The following PRPF6 variants were observed in gnomAD, a reference collection of about 807,000 sequenced individuals.
The protein encoded by PRPF6 is pre-mRNA processing factor 6, also known as pre-mRNA-processing factor 6.
In PRPF6, 42 loss-of-function variants were observed where a neutral mutation model predicts 118.3. The ratio of observed to expected loss-of-function variants is 0.35; its 90% CI spans 0.28 to 0.46. The LOEUF is 0.46. Among genes scored for constraint, PRPF6 ranks in the 20% least tolerant of loss-of-function variants. The pLI is 1.00. For missense variants in PRPF6, 662 were observed against 1,255.7 expected (o/e 0.53, Z 7.15); for synonymous variants, 481 against 485.1 (o/e 0.99, Z 0.11).
At chr20:63,993,548 C>A (rs1245542424) in intron 4 of PRPF6, 63 bp downstream of exon 4, 1 of 1,324,430 alleles carries the variant, frequency 7.6e-7, no homozygotes, top group Non-Finnish European at 1.1e-6. Flanking sequence ...CCCGCAGAGA[C>A]TCAGACTGCT....
chr20:64,017,690 T>G (rs568635603), intron 12 of PRPF6, among the ~76,000 whole-genome samples: 1 of 152,402 alleles, frequency 6.6e-6, no homozygotes, highest in Non-Finnish European at 1.5e-5. Context: ...GCCGCAGATT[T>G]GCTTTCTTAC....
intron 9 of PRPF6, among the ~76,000 whole-genome samples, chr20:64,002,055 G>T (rs1323956522): frequency 9.4e-6 from 1 of 106,348 alleles, no homozygotes; most frequent in Non-Finnish European, 1.7e-5. Flanking sequence ...GTCTCGCCCT[G>T]TCGCCCAGGC....
intron 12 of PRPF6, among the ~76,000 whole-genome samples, chr20:64,018,417 CT>C (rs2059248745): frequency 6.6e-6 from 1 of 152,124 alleles, no homozygotes; most frequent in Non-Finnish European, 1.5e-5. Context: ...TGGGTTGAGG[CT>C]TCTTGGTGCA....
At chr20:64,014,292 A>G (rs151289866) in intron 11 of PRPF6, among the ~76,000 whole-genome samples, 59 of 152,172 alleles carry the variant, frequency 3.9e-4, no homozygotes, top group Non-Finnish European at 6.8e-4. Flanking sequence ...GACATTTTAT[A>G]TACAGATGTT....
intron 2 of PRPF6, 61 bp downstream of exon 2, chr20:63,983,276 C>A: frequency 6.2e-7 from 1 of 1,602,820 alleles, no homozygotes; most frequent in South Asian, 1.1e-5. Context: ...CTGACCTAAC[C>A]AGTGTGTGTT....
At chr20:63,997,959 C>T (rs925765619) in intron 6 of PRPF6, among the ~76,000 whole-genome samples, 9 of 152,188 alleles carry the variant, frequency 5.9e-5, no homozygotes, top group Non-Finnish European at 1.2e-4. Context: ...AGACCGCATT[C>T]GCTGACCTGT....
Position 64,027,806 on chromosome 20 carries a change from C to T in PRPF6, c.2339+70C>T, listed in dbSNP as rs1431169569. 2.0e-5 allele frequency: 32 copies of T among 1,601,214 alleles called. No homozygotes were observed. Among genetic ancestry groups the T allele is most frequent in the Non-Finnish European group, 2.5e-5 (29 of 1,170,686 alleles). ...CATCAGGTGGGCCGCCGTCACCCAGCTGCTTGTGTGGAGTCACTCGTGCAG... is the reference window on the plus strand; with the variant it reads ...CATCAGGTGGGCCGCCGTCACCCAGTTGCTTGTGTGGAGTCACTCGTGCAG... On this transcript the variant is annotated intron_variant, in intron 17 of 20. Coordinates refer to ENST00000266079, the MANE Select transcript of PRPF6 (RefSeq NM_012469.4). The surrounding 1 kb of genome is among the most constrained non-coding windows in gnomAD (Gnocchi z 6.5).
intron 1 of PRPF6, among the ~76,000 whole-genome samples, chr20:63,981,706 A>C (rs903166555): frequency 7.7e-6 from 1 of 129,608 alleles, no homozygotes; most frequent in Non-Finnish European, 1.6e-5. Flanking sequence ...TGCCTGCAAC[A>C]CAGATGACCA....
At chr20:64,016,411 C>T (rs1358847877) in intron 11 of PRPF6, among the ~76,000 whole-genome samples, 1 of 151,864 alleles carries the variant, frequency 6.6e-6, no homozygotes, top group Non-Finnish European at 1.5e-5. Context: ...GGTGTGAGCC[C>T]CCACACCTGG....
chr20:63,994,778 G>C, intron 4 of PRPF6, 138 bp from the exon 5 acceptor site: 1 of 1,143,954 alleles, frequency 8.7e-7, no homozygotes. Flanking sequence ...CAAAACAAAA[G>C]TAAAAAACAG....
In PRPF6 at chr20:63,981,152, G is replaced by T. The variant is rs531385704; in HGVS notation, c.-94G>T. On this transcript the variant is annotated 5_prime_UTR_variant, in exon 1 of 21. Coordinates refer to ENST00000266079, the MANE Select transcript of PRPF6 (RefSeq NM_012469.4). ...GCGACGACGGCGACACTTTGCTACG[G>T]AGTGCATCGGACGTCGAAGCCTAGA... is the stretch of plus-strand genomic sequence containing the variant. The T allele has an allele frequency of 1.5e-6, 2 of 1,323,110 alleles. No individual in the cohort carries two copies. The highest frequency in any genetic ancestry group is 1.5e-5 in the African/African-American group (1 of 68,546). The allele number at this position is 1,323,110 out of a possible 1,614,324, so 82.0% of individuals were successfully genotyped here.
At chr20:63,991,514 G>A (rs945483865) in intron 3 of PRPF6, among the ~76,000 whole-genome samples, 5 of 152,034 alleles carry the variant, frequency 3.3e-5, no homozygotes, top group African/African-American at 1.2e-4. Context: ...GTACTTGGCC[G>A]AGCACGGTGG....
chr20:63,993,564 G>A lies in PRPF6; in HGVS notation c.438+79G>A, dbSNP rs1307855269. On this transcript the variant is annotated intron_variant, in intron 4 of 20. Coordinates refer to ENST00000266079, the MANE Select transcript of PRPF6 (RefSeq NM_012469.4). The stretch of plus-strand genomic sequence containing the variant: ...CCGCAGAGACTCAGACTGCTCTTAC[G>A]TGGAATTTATGAGACTTTACGTTTT... 11 of 1,222,288 alleles carry A rather than the reference G, an allele frequency of 9.0e-6. No homozygotes were observed. In the South Asian group the frequency reaches 1.2e-4, roughly 14 times the overall value. The allele number at this position is 1,222,288 out of a possible 1,614,324, so 75.7% of individuals were successfully genotyped here.
chr20:64,027,628 C>G lies in PRPF6; in HGVS notation c.2231C>G (p.Pro744Arg). The stretch of plus-strand genomic sequence containing the variant: ...TTGAAGAAGTGTCCCCACTCCACAC[C>G]CCTGTGGCTTTTGCTCTCTCGGCTG... Reference protein sequence around the residue: ...QGLKKCPHSTPLWLLLSRLEE... With the variant: ...QGLKKCPHSTRLWLLLSRLEE... The change falls in exon 17 of 21, where the codon CCC (proline) becomes CGC (arginine). Residue 744 changes from proline (P) to arginine (R), a missense_variant. By Grantham distance (103) the Pro-to-Arg change is moderately radical. Coordinates refer to ENST00000266079, the MANE Select transcript of PRPF6 (RefSeq NM_012469.4). This position sits in a 1 kb window ranked among gnomAD's most constrained non-coding sequence, Gnocchi z 6.5. The G allele has an allele frequency of 6.2e-7, 1 of 1,614,100 alleles. No individual in the cohort carries two copies. Among genetic ancestry groups the G allele is most frequent in the Non-Finnish European group, 8.5e-7 (1 of 1,180,028 alleles).
At chr20:64,025,660 C>T (rs2059286233) in intron 14 of PRPF6, among the ~76,000 whole-genome samples, 1 of 152,230 alleles carries the variant, frequency 6.6e-6, no homozygotes, top group East Asian at 1.9e-4. Context: ...GGTAAGATGG[C>T]CCTGCACCTG....
chr20:64,026,792 T>A lies in PRPF6; in HGVS notation c.2029-190T>A, dbSNP rs2059292874. 6.9e-6 allele frequency among the ~76,000 whole-genome samples: 1 copy of A among 145,402 alleles called. No homozygotes were observed. The highest frequency in any genetic ancestry group is 1.5e-5 in the Non-Finnish European group (1 of 66,926). On this transcript the variant is annotated intron_variant, in intron 15 of 20. Transcript: ENST00000266079. This position sits in a 1 kb window ranked among gnomAD's most constrained non-coding sequence, Gnocchi z 4.4. ...TCCAGCCTGGGTGACAGAGCGAGAC[T>A]CTATCTCAAAAAAAAACAAAACAAA...
intron 8 of PRPF6, 118 bp downstream of exon 8, chr20:63,999,877 C>A: frequency 7.6e-7 from 1 of 1,308,560 alleles, no homozygotes; most frequent in Non-Finnish European, 1.1e-6. Context: ...GACAATAGGG[C>A]AGGCTGGGGG....
intron 12 of PRPF6, among the ~76,000 whole-genome samples, chr20:64,020,785 A>AT (rs10670252): frequency 0.59 from 79,190 of 134,130 alleles, 23,757 homozygotes; most frequent in East Asian, 0.7. Context: ...ACTATACCTA[A>AT]TTTTTTTTTT....
chr20:64,031,014 C>G (rs2059311648), intron 19 of PRPF6, among the ~76,000 whole-genome samples: 1 of 152,244 alleles, frequency 6.6e-6, no homozygotes, highest in Non-Finnish European at 1.5e-5. Context: ...CCTTCTCCAG[C>G]AGCGGGTGGG....
Sources: allele counts gnomAD v4.1 joint callset (sites outside exome capture counted in the v4.1 genomes callset), GRCh38; gene constraint gnomAD v4.1.1; non-coding constraint Gnocchi (gnomAD v3.1); transcripts MANE v1.5; gene names NCBI Gene and HGNC (gene_info 2026-07-23, HGNC 2026-07-21).